NOL4: variants seen among roughly 807,000 people sequenced by gnomAD.
The protein encoded by NOL4 is cancer/testis antigen 125.
NOL4 carries 17 observed loss-of-function variants against 75.9 expected under a neutral mutation model. The observed-to-expected ratio is 0.22, with a 90% CI of 0.15 to 0.34. The LOEUF (loss-of-function observed/expected upper bound fraction) is 0.34. Ranked by LOEUF, NOL4 falls within the 10% of genes least tolerant of loss-of-function variation. NOL4 has a pLI of 1.00. For missense variants in NOL4, 614 were observed against 793.5 expected, an observed-to-expected ratio of 0.77 and a Z score of 2.72; for synonymous variants, 292 against 289.9, an observed-to-expected ratio of 1.01 and a Z score of -0.07.
intron 1 of NOL4, among the ~76,000 whole-genome samples, chr18:34,131,903 G>T (rs1243005064): frequency 1.3e-5 from 2 of 152,160 alleles, no homozygotes; most frequent in Non-Finnish European, 2.9e-5. Context: ...TAAAGAAATG[G>T]TTGCTAGGGT....
intron 6 of NOL4, among the ~76,000 whole-genome samples, chr18:33,990,242 T>C (rs1465742303): frequency 1.3e-5 from 2 of 152,088 alleles, no homozygotes; most frequent in Non-Finnish European, 2.9e-5. Flanking sequence ...TATTTTTTTG[T>C]ATCTCACATC....
At chr18:34,193,570 C>A (rs2035077734) in intron 1 of NOL4, among the ~76,000 whole-genome samples, 1 of 150,836 alleles carries the variant, frequency 6.6e-6, no homozygotes, top group Admixed American at 6.7e-5. Context: ...AATGGCTATT[C>A]TTTTTAAAAT....
At chr18:34,087,779 GCTTC>G (rs1348373696) in intron 5 of NOL4, among the ~76,000 whole-genome samples, 2 of 151,562 alleles carry the variant, frequency 1.3e-5, no homozygotes, top group African/African-American at 2.4e-5. Context: ...CTCTGAATAT[GCTTC>G]CTATTTTTGG....
intron 6 of NOL4, among the ~76,000 whole-genome samples, chr18:33,968,085 CAAATAAAT>C (rs564622294): frequency 7.0e-4 from 106 of 151,286 alleles, no homozygotes; most frequent in African/African-American, 2.2e-3. Context: ...GACTCCATCT[CAAATAAAT>C]AAATAAATAA....
chr18:34,200,217 G>A (rs1018631221), intron 1 of NOL4, among the ~76,000 whole-genome samples: 2 of 151,670 alleles, frequency 1.3e-5, no homozygotes, highest in African/African-American at 4.8e-5. Flanking sequence ...TTTATAAACT[G>A]GACCACAAGC....
intron 1 of NOL4, among the ~76,000 whole-genome samples, chr18:34,199,145 G>GTTTTTTTT (rs11323634): frequency 1.5e-5 from 2 of 131,280 alleles, no homozygotes; most frequent in Non-Finnish European, 1.6e-5. Context: ...GGACAGAGAA[G>GTTTTTTTT]TTTTTTTTTT....
At chr18:33,886,317 C>T (rs1016077034) in intron 9 of NOL4, among the ~76,000 whole-genome samples, 5 of 151,894 alleles carry the variant, frequency 3.3e-5, no homozygotes, top group Non-Finnish European at 7.4e-5. Context: ...CACCTGAGGT[C>T]AGGAGTTCGA....
intron 5 of NOL4, among the ~76,000 whole-genome samples, chr18:34,073,986 T>G (rs941100745): frequency 6.6e-6 from 1 of 151,696 alleles, no homozygotes; most frequent in African/African-American, 2.4e-5. Flanking sequence ...AGCCAATATA[T>G]AATGTCTAAC....
At chr18:34,166,528 G>T (rs116386913) in intron 1 of NOL4, among the ~76,000 whole-genome samples, 21 of 152,056 alleles carry the variant, frequency 1.4e-4, no homozygotes, top group African/African-American at 4.6e-4. Context: ...TCTATCATTT[G>T]AACTGGAGCC....
intron 5 of NOL4, among the ~76,000 whole-genome samples, chr18:34,036,126 G>C (rs1183758325): frequency 6.6e-6 from 1 of 151,954 alleles, no homozygotes; most frequent in Non-Finnish European, 1.5e-5. Context: ...CATTCTATAA[G>C]GCCAATATTA....
chr18:33,981,775 AATAAAAATATTT>A (rs977841151), intron 6 of NOL4, among the ~76,000 whole-genome samples: 2 of 152,138 alleles, frequency 1.3e-5, no homozygotes, highest in African/African-American at 4.8e-5. Context: ...GTGGAGGTCA[AATAAAAATATTT>A]TTTCTCATTC....
intron 5 of NOL4, among the ~76,000 whole-genome samples, chr18:34,063,465 A>G (rs1296612109): frequency 1.3e-5 from 2 of 152,122 alleles, no homozygotes; most frequent in African/African-American, 4.8e-5. Flanking sequence ...AGGGACTATA[A>G]TTAATCAAAA....
At chr18:33,946,351 T>C (rs942125853) in intron 8 of NOL4, among the ~76,000 whole-genome samples, 10 of 151,710 alleles carry the variant, frequency 6.6e-5, no homozygotes, top group Non-Finnish European at 3.0e-5. Context: ...ACCAAAAGCT[T>C]AGATTTATTA....
intron 5 of NOL4, among the ~76,000 whole-genome samples, chr18:34,033,907 G>GA (rs753810558): frequency 7.2e-4 from 106 of 147,418 alleles, no homozygotes; most frequent in Non-Finnish European, 1.1e-3. Flanking sequence ...GTGCTAAAAA[G>GA]AAAAAAAAAA....
At chr18:34,159,131 T>A (rs999698352) in intron 1 of NOL4, among the ~76,000 whole-genome samples, 6 of 152,014 alleles carry the variant, frequency 3.9e-5, no homozygotes, top group African/African-American at 1.2e-4. Flanking sequence ...CCTGGCGGTG[T>A]CCATAGCAAC....
intron 1 of NOL4, among the ~76,000 whole-genome samples, chr18:34,152,476 G>C (rs916841267): frequency 6.6e-6 from 1 of 151,838 alleles, no homozygotes; most frequent in Non-Finnish European, 1.5e-5. Context: ...TGAGACCTCA[G>C]ATTTAAGAAA....
chr18:34,027,481 G>T (rs993873931), intron 5 of NOL4, among the ~76,000 whole-genome samples: 1 of 152,152 alleles, frequency 6.6e-6, no homozygotes, highest in African/African-American at 2.4e-5. Flanking sequence ...GGAGGACAGG[G>T]GCTAGGCTTT....
intron 1 of NOL4, among the ~76,000 whole-genome samples, chr18:34,169,040 AAAT>A (rs2032739383): frequency 6.6e-6 from 1 of 152,086 alleles, no homozygotes; most frequent in South Asian, 2.1e-4. Flanking sequence ...TGTTTATAAT[AAAT>A]ATCAATATCC....
At chr18:34,058,180 C>T (rs1303437515) in intron 5 of NOL4, among the ~76,000 whole-genome samples, 3 of 152,184 alleles carry the variant, frequency 2.0e-5, no homozygotes, top group Non-Finnish European at 4.4e-5. Context: ...GTCACCCAGG[C>T]TGGAGTGCAA....
Sources: gnomAD v4.1 joint callset for allele counts (sites outside exome capture counted in the v4.1 genomes callset) on GRCh38, gnomAD v4.1.1 for gene constraint, MANE v1.5 for transcripts, NCBI Gene and HGNC (gene_info 2026-07-23, HGNC 2026-07-21) for gene names.